The following MAN2A1 variants were observed in gnomAD, a reference collection of about 807,000 sequenced individuals.
MAN2A1 encodes the protein alpha-mannosidase 2.
A neutral mutation model predicts 142.6 loss-of-function variants in MAN2A1; 76 were observed. That is an observed-to-expected ratio of 0.53 (90% CI 0.44 to 0.65). The LOEUF is 0.65. MAN2A1 is among the 30% of genes least tolerant of loss of function. The pLI is 0.00. For missense variants in MAN2A1, 1,311 were observed against 1,365.1 expected (o/e 0.96, Z 0.62); for synonymous variants, 559 against 473.2 (o/e 1.18, Z -2.35).
intron 12 of MAN2A1, among the ~76,000 whole-genome samples, chr5:109,798,617 C>T (rs1753926878): frequency 6.6e-6 from 1 of 152,280 alleles, no homozygotes; most frequent in Non-Finnish European, 1.5e-5. Flanking sequence ...GTCTTTTTTA[C>T]TTTCAACTCG....
intron 13 of MAN2A1, among the ~76,000 whole-genome samples, chr5:109,817,979 C>T (rs1164921023): frequency 6.6e-6 from 1 of 152,026 alleles, no homozygotes; most frequent in East Asian, 1.9e-4. Flanking sequence ...GCCAAAGTTT[C>T]TTAAAATAAG....
intron 1 of MAN2A1, among the ~76,000 whole-genome samples, chr5:109,705,827 C>G (rs957394102): frequency 6.6e-6 from 1 of 152,176 alleles, no homozygotes; most frequent in African/African-American, 2.4e-5. Flanking sequence ...TTCCTTGGCT[C>G]AAGGCTGCCT....
At chr5:109,734,576 C>G (rs935049680) in intron 4 of MAN2A1, among the ~76,000 whole-genome samples, 18 of 152,096 alleles carry the variant, frequency 1.2e-4, no homozygotes, top group Admixed American at 9.2e-4. Context: ...TTGTGTCTTT[C>G]TTCTCATTGG....
At chr5:109,800,988 G>A (rs897687928) in intron 12 of MAN2A1, among the ~76,000 whole-genome samples, 9 of 152,148 alleles carry the variant, frequency 5.9e-5, no homozygotes. Context: ...CTTCTTTAAA[G>A]GTGAAGTTTT....
At chr5:109,792,841 C>T (rs1229112673) in intron 12 of MAN2A1, among the ~76,000 whole-genome samples, 1 of 151,956 alleles carries the variant, frequency 6.6e-6, no homozygotes, top group East Asian at 1.9e-4. Flanking sequence ...CATGGCCTCT[C>T]CATATGACTT....
chr5:109,847,846 T>A, intron 19 of MAN2A1, 56 bp downstream of exon 19: 1 of 1,309,508 alleles, frequency 7.6e-7, no homozygotes, highest in Non-Finnish European at 1.0e-6. Context: ...CACCCAAAAC[T>A]TGAAATTATG....
intron 16 of MAN2A1, among the ~76,000 whole-genome samples, chr5:109,833,100 T>C (rs973760694): frequency 4.2e-5 from 6 of 144,036 alleles, no homozygotes; most frequent in African/African-American, 1.6e-4. Context: ...GCTCCCCATA[T>C]CTCAGACGAT....
intron 4 of MAN2A1, among the ~76,000 whole-genome samples, chr5:109,731,696 C>A (rs6897383): frequency 2.0e-5 from 3 of 150,998 alleles, no homozygotes; most frequent in Non-Finnish European, 3.0e-5. Flanking sequence ...TGAACTCATC[C>A]TTTTTTATGG....
chr5:109,755,482 G>A (rs1438175773), intron 5 of MAN2A1, 26 bp downstream of exon 5: 1 of 1,587,496 alleles, frequency 6.3e-7, no homozygotes, highest in South Asian at 1.1e-5. Context: ...TTCTTTATTT[G>A]GGCTATTTTG....
intron 1 of MAN2A1, among the ~76,000 whole-genome samples, chr5:109,692,869 G>A (rs1345815816): frequency 6.6e-6 from 1 of 152,144 alleles, no homozygotes; most frequent in African/African-American, 2.4e-5. Context: ...TCAGGCGTTA[G>A]ATTCTCATAA....
intron 16 of MAN2A1, among the ~76,000 whole-genome samples, chr5:109,842,067 T>C (rs1012727352): frequency 6.6e-6 from 1 of 152,218 alleles, no homozygotes; most frequent in Non-Finnish European, 1.5e-5. Context: ...TTACATGTTA[T>C]ACATCATCTA....
chr5:109,855,227 A>G lies in MAN2A1; in HGVS notation c.3064A>G (p.Asn1022Asp). 2 of 1,602,624 alleles carry G rather than the reference A, an allele frequency of 1.2e-6. No individual in the cohort carries two copies. Among genetic ancestry groups the G allele is most frequent in the Non-Finnish European group, 1.7e-6 (2 of 1,176,044 alleles). ...GAATCATCCAGTCATTCCAATGGCA[A>G]ATAAGTTCTCCTCACCTACCCTTGA... ...LMNHPVIPMA[N>D]KFSSPTLELQ... The change falls in exon 20 of 22, where the codon AAT (asparagine) becomes GAT (aspartate). Residue 1022 changes from asparagine to aspartate, a missense_variant. Transcript: ENST00000261483.
intron 8 of MAN2A1, among the ~76,000 whole-genome samples, chr5:109,776,102 G>A (rs1435655920): frequency 6.7e-6 from 1 of 149,448 alleles, no homozygotes; most frequent in Non-Finnish European, 1.5e-5. Flanking sequence ...ATGTGTCTTA[G>A]AGACTCTACA....
chr5:109,759,179 C>A (rs961844647), intron 5 of MAN2A1, among the ~76,000 whole-genome samples: 5 of 152,144 alleles, frequency 3.3e-5, no homozygotes, highest in Non-Finnish European at 7.4e-5. Context: ...AATGTCACAT[C>A]TTCTGATATA....
At chr5:109,764,524 C>G (rs894872220) in intron 5 of MAN2A1, among the ~76,000 whole-genome samples, 1 of 152,126 alleles carries the variant, frequency 6.6e-6, no homozygotes, top group African/African-American at 2.4e-5. Flanking sequence ...AAGAAAAACC[C>G]TAGCAGGACA....
chr5:109,706,414 A>T (rs780504650), intron 1 of MAN2A1, among the ~76,000 whole-genome samples: 7 of 152,230 alleles, frequency 4.6e-5, no homozygotes, highest in African/African-American at 7.2e-5. Context: ...ACTTGTTGGC[A>T]GGTCCTGTGC....
chr5:109,781,303 G>T, intron 8 of MAN2A1, 93 bp from the exon 9 acceptor site: 4 of 681,310 alleles, frequency 5.9e-6, no homozygotes, highest in Non-Finnish European at 9.4e-6. Context: ...GGAAACACAT[G>T]TTAAATATTT....
intron 20 of MAN2A1, chr5:109,864,357 A>G (rs1755828458): frequency 6.6e-6 from 1 of 152,192 alleles, no homozygotes; most frequent in South Asian, 2.1e-4. Context: ...ATTTTATTGC[A>G]AGAAAAGGTA....
intron 16 of MAN2A1, among the ~76,000 whole-genome samples, chr5:109,834,569 C>T (rs1755012706): frequency 6.6e-6 from 1 of 152,064 alleles, no homozygotes; most frequent in South Asian, 2.1e-4. Context: ...CCATACCTTT[C>T]CTATTACAGA....
Sources: allele counts gnomAD v4.1 joint callset (sites outside exome capture counted in the v4.1 genomes callset), GRCh38; gene constraint gnomAD v4.1.1; transcripts MANE v1.5; gene names NCBI Gene and HGNC (gene_info 2026-07-23, HGNC 2026-07-21).